Variants in ARFGEF1 observed in about 807,000 individuals in gnomAD.
ARFGEF1 encodes ARF guanine nucleotide exchange factor 1.
A neutral mutation model predicts 231.0 loss-of-function variants in ARFGEF1; 42 were observed. That is an observed-to-expected ratio of 0.18 (90% CI 0.14 to 0.24). ARFGEF1 has a LOEUF of 0.24. Among genes scored for constraint, ARFGEF1 ranks in the 10% least tolerant of loss-of-function variants. ARFGEF1 has a pLI of 1.00. For synonymous variants in ARFGEF1, 710 were observed against 732.3 expected (o/e 0.97, Z 0.49); for missense variants, 1,345 against 2,192.0 (o/e 0.61, Z 7.72).
At chr8:67,265,238 G>C (rs1005510856) in intron 14 of ARFGEF1, among the ~76,000 whole-genome samples, 3 of 152,022 alleles carry the variant, frequency 2.0e-5, no homozygotes, top group Non-Finnish European at 4.4e-5. Flanking sequence ...ATTAACACTG[G>C]AGAAAAAAGA....
At chr8:67,304,391 G>A (rs1028125753) in intron 1 of ARFGEF1, among the ~76,000 whole-genome samples, 2 of 152,172 alleles carry the variant, frequency 1.3e-5, no homozygotes, top group African/African-American at 4.8e-5. Flanking sequence ...CTAGAAGGCA[G>A]ATAGTATAAA....
At chr8:67,196,526 C>T (rs1837969682), downstream of ARFGEF1, among the ~76,000 whole-genome samples, 1 of 152,188 alleles carries the variant, frequency 6.6e-6, no homozygotes, top group South Asian at 2.1e-4. Flanking sequence ...GGCACTGCTT[C>T]TCTCTCTAAT....
At chr8:67,342,260 T>A (rs1261024910) in intron 1 of ARFGEF1, among the ~76,000 whole-genome samples, 1 of 152,216 alleles carries the variant, frequency 6.6e-6, no homozygotes, top group Admixed American at 6.5e-5. Flanking sequence ...TCTAACAATG[T>A]TCCCCCTTTA....
chr8:67,298,587 A>AAT (rs919671221), intron 4 of ARFGEF1, among the ~76,000 whole-genome samples: 3 of 152,124 alleles, frequency 2.0e-5, no homozygotes, highest in Non-Finnish European at 4.4e-5. Context: ...TGATGGATGC[A>AAT]ATATATATAT....
At chr8:67,211,643 A>C (rs1563839251) in intron 33 of ARFGEF1, 28 bp from the exon 34 acceptor site, 7 of 1,334,974 alleles carry the variant, frequency 5.2e-6, no homozygotes, top group Non-Finnish European at 7.0e-6. Flanking sequence ...AATCACTGTA[A>C]GTATGGTTAA....
intron 6 of ARFGEF1, among the ~76,000 whole-genome samples, chr8:67,290,484 T>C (rs1485513617): frequency 6.6e-6 from 1 of 152,200 alleles, no homozygotes; most frequent in Non-Finnish European, 1.5e-5. Context: ...GTGCATGGCA[T>C]TTTTAGGACA....
chr8:67,195,692 A>C, downstream of ARFGEF1: 1 of 913,654 alleles, frequency 1.1e-6, no homozygotes, highest in Non-Finnish European at 1.7e-6. Context: ...CCTGAAAGTT[A>C]CTTTTTTTCC....
Position 67,343,692 on chromosome 8 carries a change from C to G in ARFGEF1, c.-405G>C, listed in dbSNP as rs1208988673. 2 of 831,506 alleles carry G rather than the reference C, an allele frequency of 2.4e-6. No individual in the cohort carries two copies. Among genetic ancestry groups the G allele is most frequent in the Non-Finnish European group, 2.9e-6 (2 of 685,730 alleles). The allele number at this position is 831,506 out of a possible 1,614,324, so 51.5% of individuals were successfully genotyped here. A position where few individuals can be genotyped will look rare whatever the true frequency, so the allele number is the denominator to read the frequency against. ...AGAGGCACCGCGAGAGAAGGGCTACCCTGGCTACTGTGGGGATTAGCACCC... is the reference window on the plus strand; with the variant it reads ...AGAGGCACCGCGAGAGAAGGGCTACGCTGGCTACTGTGGGGATTAGCACCC... On this transcript the variant is annotated 5_prime_UTR_variant, in exon 1 of 39. Coordinates refer to ENST00000262215, the MANE Select transcript of ARFGEF1 (RefSeq NM_006421.5).
chr8:67,260,019 A>T, intron 14 of ARFGEF1, 93 bp from the exon 15 acceptor site: 2 of 692,320 alleles, frequency 2.9e-6, no homozygotes, highest in South Asian at 4.0e-5. Context: ...AATAGCACCC[A>T]GAAAATAGTA....
Position 67,197,851 on chromosome 8 carries a change from A to G in ARFGEF1, c.*1083T>C. Reference sequence around the variant, plus strand: ...CCACTGTTAATACGGAATGCTTGACAATCTTGTCTTTTAACCATCAGAGCA... The same window carrying G: ...CCACTGTTAATACGGAATGCTTGACGATCTTGTCTTTTAACCATCAGAGCA... On this transcript the variant is annotated 3_prime_UTR_variant, in exon 39 of 39. Coordinates refer to ENST00000262215, the MANE Select transcript of ARFGEF1 (RefSeq NM_006421.5). The G allele has an allele frequency of 2.0e-6, 2 of 985,888 alleles. No homozygotes were observed. The highest frequency in any genetic ancestry group is 1.2e-6 in the Non-Finnish European group (1 of 829,930). The allele number at this position is 985,888 out of a possible 1,614,324, so 61.1% of individuals were successfully genotyped here.
At chr8:67,299,135 GT>G in intron 4 of ARFGEF1, 73 bp downstream of exon 4, 1 of 1,319,430 alleles carries the variant, frequency 7.6e-7, no homozygotes, top group Non-Finnish European at 1.0e-6. Flanking sequence ...CTTTCCTAAT[GT>G]TTTAAGGTGA....
intron 1 of ARFGEF1, among the ~76,000 whole-genome samples, chr8:67,317,123 C>G (rs897991228): frequency 2.0e-5 from 3 of 152,148 alleles, no homozygotes; most frequent in Non-Finnish European, 2.9e-5. Flanking sequence ...GTAAAGCATT[C>G]TGACGACACA....
At chr8:67,310,229 T>C (rs1432586516) in intron 1 of ARFGEF1, among the ~76,000 whole-genome samples, 3 of 151,116 alleles carry the variant, frequency 2.0e-5, no homozygotes, top group Non-Finnish European at 3.0e-5. Context: ...TGCCTCAGCC[T>C]GCCGAGTGCC....
intron 14 of ARFGEF1, 121 bp downstream of exon 14, chr8:67,265,885 T>A: frequency 1.1e-6 from 1 of 886,434 alleles, no homozygotes; most frequent in Non-Finnish European, 1.7e-6. Context: ...GCCTCGTGAA[T>A]TAGATCCATG....
intron 23 of ARFGEF1, among the ~76,000 whole-genome samples, chr8:67,232,502 A>G (rs563959906): frequency 6.6e-6 from 1 of 152,182 alleles, no homozygotes; most frequent in Non-Finnish European, 1.5e-5. Context: ...TATATTGTGG[A>G]CCCAGAAAAA....
chr8:67,181,238 A>G (rs10105172), intron 5 of ARFGEF1, among the ~76,000 whole-genome samples: 3,135 of 148,086 alleles, frequency 0.021, 52 homozygotes, highest in Non-Finnish European at 0.034. Context: ...AGGTCTCCCT[A>G]TGTTGCCCAG....
chr8:67,209,860 T>C (rs191399756), intron 34 of ARFGEF1, among the ~76,000 whole-genome samples: 3 of 151,808 alleles, frequency 2.0e-5, no homozygotes, highest in Admixed American at 6.6e-5. Context: ...CCTTAAAAAG[T>C]AGGGTGCTCC....
chr8:67,283,910 G>A (rs1272585527), intron 7 of ARFGEF1, among the ~76,000 whole-genome samples: 1 of 152,076 alleles, frequency 6.6e-6, no homozygotes, highest in African/African-American at 2.4e-5. Context: ...CCTATAAAGA[G>A]GAATTTAGCA....
intron 7 of ARFGEF1, among the ~76,000 whole-genome samples, chr8:67,280,553 A>G (rs1441213323): frequency 1.3e-5 from 2 of 152,234 alleles, no homozygotes; most frequent in Non-Finnish European, 2.9e-5. Flanking sequence ...TGGGAGAGTG[A>G]GAACAAATCA....
Sources: allele counts gnomAD v4.1 joint callset (sites outside exome capture counted in the v4.1 genomes callset), GRCh38; gene constraint gnomAD v4.1.1; transcripts MANE v1.5; gene names NCBI Gene and HGNC (gene_info 2026-07-23, HGNC 2026-07-21).